The following RFC2 variants were observed in gnomAD, a reference collection of about 807,000 sequenced individuals.
RFC2 encodes the protein A1 40 kDa subunit.
Under a neutral mutation model 44.8 loss-of-function variants are expected in RFC2, and 34 were observed. The observed-to-expected ratio is 0.76, with a 90% CI of 0.58 to 1.01. The LOEUF is 1.01. Ranked by LOEUF, RFC2 falls within the 50% of genes least tolerant of loss-of-function variation. RFC2 has a pLI of 0.00. For synonymous variants in RFC2, 177 were observed against 168.9 expected (o/e 1.05, Z -0.37); for missense variants, 400 against 453.6 (o/e 0.88, Z 1.07).
rs1281631698 is a variant in RFC2 at position 74,238,372 on chromosome 7, TC to T, written c.759+550del. On this transcript the variant is annotated intron_variant, in intron 8 of 10. Coordinates refer to ENST00000055077, the MANE Select transcript of RFC2 (RefSeq NM_181471.3). This position sits in a 1 kb window ranked among gnomAD's most constrained non-coding sequence, Gnocchi z 4.0. ...ATGCGGAAGCAGTTTTCAAAAGAAT[TC>T]CCAAGAGAAAAATGTTTTGCTGACA... 2.0e-5 allele frequency among the ~76,000 whole-genome samples: 3 copies of T among 152,038 alleles called. No homozygotes were observed. Among genetic ancestry groups the T allele is most frequent in the Non-Finnish European group, 4.4e-5 (3 of 67,986 alleles).
rs1011799348 is a variant in RFC2, at chr7:74,238,730, T to G, written c.759+193A>C. Among the ~76,000 whole-genome samples, 1 of 151,744 alleles carries G rather than the reference T, an allele frequency of 6.6e-6. No individual in the cohort carries two copies. The highest frequency in any genetic ancestry group is 1.5e-5 in the Non-Finnish European group (1 of 67,958). On this transcript the variant is annotated intron_variant, in intron 8 of 10. Coordinates refer to ENST00000055077, the MANE Select transcript of RFC2 (RefSeq NM_181471.3). This position sits in a 1 kb window ranked among gnomAD's most constrained non-coding sequence, Gnocchi z 4.0. ...TACCACACACAAGTGACGTTCCAGG[T>G]CCCCCGAAACTCTCCAGCTTGTGCA...
At position 74,232,471 on chromosome 7, in the gene RFC2, C is replaced by T. The variant is rs190309081; in HGVS notation, c.955-255G>A. On this transcript the variant is annotated intron_variant, in intron 10 of 10. Coordinates refer to ENST00000055077, the MANE Select transcript of RFC2 (RefSeq NM_181471.3). ...GAAACTGTTAAGAAAATGGGTGGGG[C>T]GAGGGGGGGCGGGGTGGTGGCACGG... Among the ~76,000 whole-genome samples the T allele has an allele frequency of 4.4e-3, 395 of 89,298 alleles. 4 individuals are homozygous for T. Among genetic ancestry groups the T allele is most frequent in the African/African-American group, 0.016 (379 of 23,106 alleles). The allele number at this position is 89,298 out of a possible 152,430, so 58.6% of individuals were successfully genotyped here.
Position 74,238,984 on chromosome 7 carries a change from A to G in RFC2, c.698T>C (p.Leu233Pro). 4 of 1,613,646 alleles carry G rather than the reference A, an allele frequency of 2.5e-6. No homozygotes were observed. The highest frequency in any genetic ancestry group is 3.4e-6 in the Non-Finnish European group (4 of 1,179,610). Residue 233 changes from leucine to proline, a missense_variant, in exon 8 of 11, where the codon CTG (leucine) becomes CCG (proline). By Grantham distance (98) the Leu-to-Pro change is moderately conservative (BLOSUM62 -3). Coordinates refer to ENST00000055077, the MANE Select transcript of RFC2 (RefSeq NM_181471.3). The surrounding 1 kb of genome is among the most constrained non-coding windows in gnomAD (Gnocchi z 4.0). ...FTAQGDMRQA[L>P]NNLQSTFSGF... is the part of the protein sequence containing the mutation. ...TGAGAAGGTGGACTGCAGGTTGTTC[A>G]GCGCCTGTTCAGGAGCAAACACATG...
At chr7:74,241,130 C>A (rs1385689106) in intron 6 of RFC2, among the ~76,000 whole-genome samples, 2 of 151,858 alleles carry the variant, frequency 1.3e-5, no homozygotes, top group Non-Finnish European at 2.9e-5. Flanking sequence ...GGGGTTTCAC[C>A]ATGTTGGCCA....
At chr7:74,251,797 C>CAA (rs1158873785) in intron 2 of RFC2, among the ~76,000 whole-genome samples, 3 of 56,944 alleles carry the variant, frequency 5.3e-5, no homozygotes, top group Non-Finnish European at 1.0e-4. Flanking sequence ...GACTCCATCT[C>CAA]AAAAAAAAAA....
chr7:74,248,007 C>G (rs1584261990), intron 4 of RFC2, among the ~76,000 whole-genome samples: 1 of 152,074 alleles, frequency 6.6e-6, no homozygotes, highest in Non-Finnish European at 1.5e-5. Flanking sequence ...GTCACCTAGG[C>G]TGGTCTCAAA....
chr7:74,237,050 A>G (rs1385717077), intron 9 of RFC2, among the ~76,000 whole-genome samples: 2 of 151,730 alleles, frequency 1.3e-5, no homozygotes, highest in African/African-American at 4.9e-5. Context: ...AGTAAAGTGC[A>G]CCCAACTCCT....
At chr7:74,246,182 C>T (rs1445709080) in intron 5 of RFC2, among the ~76,000 whole-genome samples, 1 of 148,928 alleles carries the variant, frequency 6.7e-6, no homozygotes, top group African/African-American at 2.5e-5. Flanking sequence ...GGAGACAGAG[C>T]GAGACTCTGT....
At chr7:74,248,821 A>C (rs1554720527) in intron 4 of RFC2, among the ~76,000 whole-genome samples, 191 bp downstream of exon 4, 1 of 152,108 alleles carries the variant, frequency 6.6e-6, no homozygotes, top group African/African-American at 2.4e-5. Context: ...AGTTTTTGAA[A>C]ATTTCCATGA....
chr7:74,244,930 T>C (rs1366321562), intron 5 of RFC2, among the ~76,000 whole-genome samples: 1 of 151,998 alleles, frequency 6.6e-6, no homozygotes, highest in African/African-American at 2.4e-5. Flanking sequence ...GCCATTGGAC[T>C]CTAGTCTGAG....
intron 4 of RFC2, among the ~76,000 whole-genome samples, chr7:74,247,724 T>C (rs1554720306): frequency 1.3e-5 from 2 of 152,176 alleles, no homozygotes; most frequent in Non-Finnish European, 2.9e-5. Context: ...ATGCTACTGA[T>C]GGTGAAATTG....
At chr7:74,240,319 T>C (rs948577164) in intron 6 of RFC2, among the ~76,000 whole-genome samples, 2 of 151,844 alleles carry the variant, frequency 1.3e-5, no homozygotes, top group Non-Finnish European at 2.9e-5. Context: ...CTGGACAACA[T>C]GGTGAAACCC....
chr7:74,234,882 T>G (rs1325116423), intron 10 of RFC2, among the ~76,000 whole-genome samples: 3 of 152,112 alleles, frequency 2.0e-5, no homozygotes, highest in African/African-American at 7.2e-5. Flanking sequence ...GTGAGCCAAA[T>G]CAACCTCTTT....
chr7:74,249,256 G>A, intron 3 of RFC2, 138 bp from the exon 4 acceptor site: 7 of 1,492,854 alleles, frequency 4.7e-6, no homozygotes, highest in Non-Finnish European at 6.3e-6. Context: ...GATCAATACA[G>A]CTGGCCGGAG....
At chr7:74,237,215 C>A in intron 9 of RFC2, 147 bp downstream of exon 9, 1 of 590,386 alleles carries the variant, frequency 1.7e-6, no homozygotes. Flanking sequence ...CAAGGCTCAA[C>A]AAATCCTCCT....
intron 9 of RFC2, 115 bp downstream of exon 9, chr7:74,237,247 T>G: frequency 1.5e-6 from 1 of 661,536 alleles, no homozygotes; most frequent in South Asian, 1.9e-5. Flanking sequence ...CCAAGTAAGA[T>G]TTCAAGAATG....
chr7:74,235,537 T>TA lies in RFC2; in HGVS notation c.948dup (p.Ile317TyrfsTer45). On this transcript the variant is annotated frameshift_variant, in exon 10 of 11. Transcript: ENST00000055077. LOFTEE classifies it high-confidence loss of function. ...ATTTCTACATTCTCACCGACCTTGA[T>TA]AAACTCCAGTTTCAGGTATTCTGCC... 6.3e-7 allele frequency: 1 copy of TA among 1,587,536 alleles called. No homozygotes were observed. Among genetic ancestry groups the TA allele is most frequent in the Non-Finnish European group, 8.7e-7 (1 of 1,155,804 alleles).
chr7:74,238,932 G>C lies in RFC2; in HGVS notation c.750C>G (p.Asn250Lys). 2 of 1,613,560 alleles carry C rather than the reference G, an allele frequency of 1.2e-6. No individual in the cohort carries two copies. The highest frequency in any genetic ancestry group is 1.7e-6 in the Non-Finnish European group (2 of 1,179,510). The change falls in exon 8 of 11, where the codon AAC becomes AAG. Residue 250 changes from asparagine (N) to lysine (K), a missense_variant. Physicochemically the swap from Asn to Lys is moderately conservative, Grantham distance 94 (BLOSUM62 0). Coordinates refer to ENST00000055077, the MANE Select transcript of RFC2 (RefSeq NM_181471.3). The surrounding 1 kb of genome is among the most constrained non-coding windows in gnomAD (Gnocchi z 4.0). ...ACACTAGCGCTTGTACCTTGAACAC[G>C]TTCTCACTGTTAATGAAGCCAAATC... ...FSGFGFINSE[N>K]VFKVCDEPHP...
chr7:74,242,691 C>A (rs554335749), intron 6 of RFC2, among the ~76,000 whole-genome samples: 1 of 145,048 alleles, frequency 6.9e-6, no homozygotes, highest in African/African-American at 2.6e-5. Context: ...CCGAGGCAGG[C>A]GATCACGAGG....
Sources: gnomAD v4.1 joint callset for allele counts (sites outside exome capture counted in the v4.1 genomes callset) on GRCh38, gnomAD v4.1.1 for gene constraint, Gnocchi (gnomAD v3.1) non-coding constraint, MANE v1.5 for transcripts, NCBI Gene and HGNC (gene_info 2026-07-23, HGNC 2026-07-21) for gene names.